MALRD1: variants seen among roughly 807,000 people sequenced by gnomAD.
MALRD1 encodes the protein MAM and LDL-receptor class A domain-containing protein 1.
A neutral mutation model predicts 242.1 loss-of-function variants in MALRD1; 247 were observed. That is an observed-to-expected ratio of 1.02 (90% confidence interval 0.92 to 1.13). The LOEUF (loss-of-function observed/expected upper bound fraction) is 1.13, where lower values mean the gene tolerates loss of function less well. Among genes scored for constraint, MALRD1 ranks in the 50% most tolerant of loss-of-function variants. The pLI, the probability that MALRD1 is intolerant of heterozygous loss-of-function variation, is 0.00. For missense variants in MALRD1, 2,989 were observed against 2,533.1 expected, an observed-to-expected ratio of 1.18 and a Z score of -3.86; for synonymous variants, 995 against 866.6, an observed-to-expected ratio of 1.15 and a Z score of -2.60.
Position 19,520,934 on chromosome 10 carries a change from T to C in MALRD1, c.5321-10260T>C, listed in dbSNP as rs1009091894. On this transcript the variant is annotated intron_variant, in intron 31 of 39. Coordinates refer to ENST00000454679, the MANE Select transcript of MALRD1 (RefSeq NM_001142308.3). The stretch of plus-strand genomic sequence containing the variant: ...CAATCAAATATTCCTTCCTTTACTT[T>C]GGTATATTTGTCTACATTTATTTAA... Among the ~76,000 whole-genome samples, 62 of 152,330 alleles carry C rather than the reference T, an allele frequency of 4.1e-4. 1 individual carries two copies. The highest frequency in any genetic ancestry group is 1.5e-3 in the African/African-American group (61 of 41,590).
At chr10:19,612,823 C>G (rs1348497765) in intron 35 of MALRD1, among the ~76,000 whole-genome samples, 1 of 151,846 alleles carries the variant, frequency 6.6e-6, no homozygotes, top group Non-Finnish European at 1.5e-5. Context: ...TGAGACAGCA[C>G]TAGGGGGATG....
At chr10:19,170,946 A>G (rs1490932572) in intron 13 of MALRD1, among the ~76,000 whole-genome samples, 1 of 152,062 alleles carries the variant, frequency 6.6e-6, no homozygotes, top group Non-Finnish European at 1.5e-5. Flanking sequence ...TCAAAAATTA[A>G]TATATTCCTA....
intron 10 of MALRD1, among the ~76,000 whole-genome samples, chr10:19,142,960 C>A (rs1049161877): frequency 5.9e-5 from 9 of 152,184 alleles, no homozygotes; most frequent in African/African-American, 2.2e-4. Context: ...AAAAAATATT[C>A]TTTTACGTGT....
chr10:19,503,934 T>C (rs1416167110), intron 31 of MALRD1, among the ~76,000 whole-genome samples: 1 of 152,204 alleles, frequency 6.6e-6, no homozygotes, highest in Non-Finnish European at 1.5e-5. Flanking sequence ...GGTAAATAAC[T>C]ATGGAATCAA....
At chr10:19,359,190 AT>A (rs1554839271) in intron 26 of MALRD1, among the ~76,000 whole-genome samples, 1 of 152,170 alleles carries the variant, frequency 6.6e-6, no homozygotes, top group Non-Finnish European at 1.5e-5. Context: ...ATTTTTAAAA[AT>A]ATTGGCATAT....
intron 32 of MALRD1, among the ~76,000 whole-genome samples, chr10:19,550,652 A>G (rs1267300414): frequency 6.6e-6 from 1 of 152,066 alleles, no homozygotes; most frequent in Non-Finnish European, 1.5e-5. Context: ...AGCTCCATCC[A>G]TGTCCCTGCA....
chr10:19,432,398 C>G (rs11009879), intron 28 of MALRD1, among the ~76,000 whole-genome samples: 3,989 of 152,178 alleles, frequency 0.026, 84 homozygotes, highest in Middle Eastern at 0.061. Context: ...TATTTTTTAC[C>G]TATATCAGAG....
At chr10:19,259,073 A>T (rs7893586) in intron 19 of MALRD1, among the ~76,000 whole-genome samples, 26,282 of 152,018 alleles carry the variant, frequency 0.17, 2,411 homozygotes, top group African/African-American at 0.22. Context: ...TACCCTTGAG[A>T]GCTATATTCT....
intron 36 of MALRD1, among the ~76,000 whole-genome samples, chr10:19,617,967 C>G (rs747359568): frequency 6.6e-6 from 1 of 151,916 alleles, no homozygotes; most frequent in Non-Finnish European, 1.5e-5. Context: ...TTGCCTGATC[C>G]TCTCTTTTCT....
At chr10:19,132,968 C>T (rs989495730) in intron 8 of MALRD1, among the ~76,000 whole-genome samples, 1 of 151,932 alleles carries the variant, frequency 6.6e-6, no homozygotes, top group Non-Finnish European at 1.5e-5. Context: ...CGAATTCATG[C>T]TCTGTCGCCC....
At chr10:19,651,641 T>C (rs1304805662) in intron 36 of MALRD1, among the ~76,000 whole-genome samples, 1 of 152,092 alleles carries the variant, frequency 6.6e-6, no homozygotes, top group Non-Finnish European at 1.5e-5. Flanking sequence ...AGAAGGCAAT[T>C]ATCCAAGCTC....
chr10:19,290,384 C>T (rs769510391), intron 21 of MALRD1: 2 of 152,158 alleles, frequency 1.3e-5, no homozygotes, highest in Non-Finnish European at 2.9e-5. Context: ...CTCCCTTTCT[C>T]CTGCTCAGCA....
chr10:19,414,835 T>C (rs958444592), intron 28 of MALRD1, among the ~76,000 whole-genome samples: 4 of 152,080 alleles, frequency 2.6e-5, no homozygotes, highest in Non-Finnish European at 5.9e-5. Flanking sequence ...AATTTATAAA[T>C]GGCATAACTT....
chr10:19,290,946 C>A (rs1040879386), intron 21 of MALRD1, among the ~76,000 whole-genome samples: 1 of 152,056 alleles, frequency 6.6e-6, no homozygotes, highest in Non-Finnish European at 1.5e-5. Context: ...GTCTCTTAGC[C>A]CAGGCAGTGT....
chr10:19,321,378 G>A (rs1432641626), intron 21 of MALRD1, among the ~76,000 whole-genome samples: 1 of 152,110 alleles, frequency 6.6e-6, no homozygotes, highest in African/African-American at 2.4e-5. Flanking sequence ...GCTCAGGAAG[G>A]ATGATGGGAA....
chr10:19,120,723 A>G lies in MALRD1; in HGVS notation c.695-2769A>G, dbSNP rs950334405. Among the ~76,000 whole-genome samples the G allele has an allele frequency of 3.3e-5, 5 of 152,158 alleles. No homozygotes were observed. In the South Asian group the frequency reaches 1.0e-3, roughly 32 times the overall value. On this transcript the variant is annotated intron_variant, in intron 5 of 39. Coordinates refer to ENST00000454679, the MANE Select transcript of MALRD1 (RefSeq NM_001142308.3). ...GATTGCACAACATTTCAAATTTAAT[A>G]AAAGCCACTGACTTGTACACTTTTT...
intron 36 of MALRD1, among the ~76,000 whole-genome samples, chr10:19,630,240 T>G (rs919418516): frequency 3.9e-5 from 6 of 152,166 alleles, no homozygotes; most frequent in African/African-American, 7.2e-5. Flanking sequence ...TCATGATCAG[T>G]GGTTAGAGTT....
intron 36 of MALRD1, among the ~76,000 whole-genome samples, chr10:19,691,876 T>G (rs1233075479): frequency 6.6e-6 from 1 of 152,160 alleles, no homozygotes; most frequent in Non-Finnish European, 1.5e-5. Context: ...ATGTAAAATT[T>G]GAATCTGCTC....
At chr10:19,149,080 C>CTATG (rs1833839806) in intron 11 of MALRD1, among the ~76,000 whole-genome samples, 1 of 121,584 alleles carries the variant, frequency 8.2e-6, no homozygotes, top group Non-Finnish European at 1.9e-5. Flanking sequence ...ATCTGTCCAT[C>CTATG]TATCTATCTA....
Sources: allele counts gnomAD v4.1 joint callset (sites outside exome capture counted in the v4.1 genomes callset), GRCh38; gene constraint gnomAD v4.1.1; transcripts MANE v1.5; gene names NCBI Gene and HGNC (gene_info 2026-07-23, HGNC 2026-07-21).